The following DST variants were observed in gnomAD, a reference collection of about 807,000 sequenced individuals.
The protein encoded by DST is dystonin.
A neutral mutation model predicts 875.2 loss-of-function variants in DST; 253 were observed. That is an observed-to-expected ratio of 0.29 (90% CI 0.26 to 0.32). DST has a LOEUF of 0.32. Among genes scored for constraint, DST ranks in the 10% least tolerant of loss-of-function variants. DST has a pLI of 1.00. For synonymous variants in DST, 3,124 were observed against 3,197.1 expected, an observed-to-expected ratio of 0.98 and a Z score of 0.77; for missense variants, 8,287 against 9,111.6, an observed-to-expected ratio of 0.91 and a Z score of 3.68.
chr6:56,742,316 C>A (rs1281181510), intron 4 of DST: 2 of 1,289,824 alleles, frequency 1.6e-6, no homozygotes, highest in East Asian at 5.5e-5. Context: ...CAATCTTGAT[C>A]ATTTTTCATG....
chr6:56,778,374 T>C (rs1229427614), intron 4 of DST, among the ~76,000 whole-genome samples: 1 of 149,288 alleles, frequency 6.7e-6, no homozygotes, highest in Non-Finnish European at 1.5e-5. Flanking sequence ...TTTTTTCAAA[T>C]CTGTTAGTTA....
intron 4 of DST, chr6:56,843,887 G>A: frequency 5.9e-6 from 1 of 169,366 alleles, no homozygotes. Context: ...CCCCAGGCCC[G>A]CCCACCCTGG....
At chr6:56,638,100 ATTT>A (rs1275610213) in intron 22 of DST, among the ~76,000 whole-genome samples, 1 of 147,746 alleles carries the variant, frequency 6.8e-6, no homozygotes, top group Non-Finnish European at 1.5e-5. Context: ...TTCTTAAGAA[ATTT>A]TTTATTAATT....
At chr6:56,641,795 C>G in intron 17 of DST, 152 bp downstream of exon 17, 1 of 651,590 alleles carries the variant, frequency 1.5e-6, no homozygotes, top group South Asian at 2.5e-5. Context: ...TACTTAAACA[C>G]CAAAATATAT....
Position 56,606,309 on chromosome 6 carries a change from T to A in DST, c.8319A>T (p.Val2773=). ...TATCGGAGTGAAATTCCTGTCCAGTTACATACTCTTCCTTTCTTCCTCTCC... is the reference window on the plus strand; with the variant it reads ...TATCGGAGTGAAATTCCTGTCCAGTAACATACTCTTCCTTTCTTCCTCTCC... The part of the protein sequence containing the change: ...GSWRGRKEEY[V]TGQEFHSDTD... The change falls in exon 40 of 104, where the codon GTA becomes GTT. Residue 2773 remains valine, a synonymous_variant. Coordinates refer to ENST00000680361, the MANE Select transcript of DST (RefSeq NM_001374736.1). 1 of 1,606,924 alleles carries A rather than the reference T, an allele frequency of 6.2e-7. No homozygotes were observed. The highest frequency in any genetic ancestry group is 8.5e-7 in the Non-Finnish European group (1 of 1,176,198).
chr6:56,531,148 T>G lies in DST; in HGVS notation c.17109-1015A>C, dbSNP rs1406686453. On this transcript the variant is annotated intron_variant, in intron 64 of 103. Transcript: ENST00000680361. Reference sequence around the variant, plus strand: ...TAATTACCTCTGGATTATCACTATCTGTGACCTTTTCTTCTAAATTCAAAT... The same window carrying G: ...TAATTACCTCTGGATTATCACTATCGGTGACCTTTTCTTCTAAATTCAAAT... Among the ~76,000 whole-genome samples the G allele has an allele frequency of 2.0e-5, 3 of 152,198 alleles. No homozygotes were observed. The East Asian group carries it at 5.8e-4, about 29-fold the overall frequency.
At chr6:56,485,506 CA>C (rs1386613118) in intron 87 of DST, 35 bp from the exon 88 acceptor site, 3 of 1,589,174 alleles carry the variant, frequency 1.9e-6, no homozygotes, top group Non-Finnish European at 2.6e-6. Flanking sequence ...ATCCTTGCAA[CA>C]AAAAACGTCA....
At chr6:56,557,111 C>T (rs2097435179) in intron 59 of DST, among the ~76,000 whole-genome samples, 4 of 152,140 alleles carry the variant, frequency 2.6e-5, no homozygotes, top group Admixed American at 2.6e-4. Context: ...TCAAAGGAGG[C>T]CTCTAAGATG....
chr6:56,515,476 G>A lies in DST; in HGVS notation c.18550C>T (p.Leu6184=). The change falls in exon 72 of 104, where the codon CTA becomes TTA. Residue 6184 remains leucine, a synonymous_variant. Coordinates refer to ENST00000680361, the MANE Select transcript of DST (RefSeq NM_001374736.1). ...LPAPALEYET[L]RQQQEEHRQL... ...CGATGTTCTTCCTGCTGCTGCCTTA[G>A]AGTTTCATATTCAAGGGCTGGGGCG... 2 of 1,613,862 alleles carry A rather than the reference G, an allele frequency of 1.2e-6. No individual in the cohort carries two copies. The highest frequency in any genetic ancestry group is 1.3e-5 in the African/African-American group (1 of 75,030).
intron 4 of DST, among the ~76,000 whole-genome samples, chr6:56,818,005 T>C (rs1170290037): frequency 6.6e-6 from 1 of 151,984 alleles, no homozygotes; most frequent in African/African-American, 2.4e-5. Context: ...GATGAAGCAG[T>C]GGTGGAAGTG....
chr6:56,581,060 A>G (rs2097978014), intron 49 of DST, among the ~76,000 whole-genome samples: 1 of 150,228 alleles, frequency 6.7e-6, no homozygotes, highest in Admixed American at 6.6e-5. Flanking sequence ...TTAAAAAAAA[A>G]AAAAAAAAAA....
intron 4 of DST, among the ~76,000 whole-genome samples, chr6:56,800,786 A>C (rs1162632204): frequency 6.6e-6 from 1 of 152,192 alleles, no homozygotes; most frequent in African/African-American, 2.4e-5. Flanking sequence ...TGGGAGGCTG[A>C]GGTGGGAGGA....
intron 10 of DST, among the ~76,000 whole-genome samples, chr6:56,657,196 CG>C (rs1230216121): frequency 1.7e-4 from 26 of 152,104 alleles, no homozygotes; most frequent in Admixed American, 6.5e-4. Context: ...AATTATATAA[CG>C]ACACAAACAA....
chr6:56,685,348 G>T (rs931044731), intron 9 of DST, among the ~76,000 whole-genome samples: 1 of 152,124 alleles, frequency 6.6e-6, no homozygotes, highest in African/African-American at 2.4e-5. Flanking sequence ...TTTTAATGAT[G>T]TTGATACTTC....
At chr6:56,765,544 C>T (rs974098032) in intron 4 of DST, among the ~76,000 whole-genome samples, 16 of 152,124 alleles carry the variant, frequency 1.1e-4, no homozygotes, top group African/African-American at 1.9e-4. Flanking sequence ...GTAAAATAAA[C>T]GTACAGTGCA....
chr6:56,685,296 G>C (rs76592028), intron 9 of DST, among the ~76,000 whole-genome samples: 2,290 of 152,072 alleles, frequency 0.015, 56 homozygotes, highest in African/African-American at 0.052. Context: ...AAATCAACAA[G>C]GAAAAAACAC....
At chr6:56,515,705 G>A in intron 71 of DST, 37 bp from the exon 72 acceptor site, 1 of 1,517,304 alleles carries the variant, frequency 6.6e-7, no homozygotes. Context: ...AACTGGTCAG[G>A]CCAACGAGCA....
At chr6:56,543,082 G>C (rs1294057638) in intron 61 of DST, among the ~76,000 whole-genome samples, 2 of 152,218 alleles carry the variant, frequency 1.3e-5, no homozygotes, top group African/African-American at 4.8e-5. Flanking sequence ...AATGGGAGGG[G>C]ATCCGTAGGG....
chr6:56,953,991 G>A (rs1823843675), intron 1 of DST, among the ~76,000 whole-genome samples, 172 bp from the exon 2 acceptor site: 1 of 152,180 alleles, frequency 6.6e-6, no homozygotes, highest in Non-Finnish European at 1.5e-5. Flanking sequence ...CGGTCTCTAC[G>A]TGATTTCTCC....
Sources: gnomAD v4.1 joint callset for allele counts (sites outside exome capture counted in the v4.1 genomes callset) on GRCh38, gnomAD v4.1.1 for gene constraint, MANE v1.5 for transcripts, NCBI Gene and HGNC (gene_info 2026-07-23, HGNC 2026-07-21) for gene names.